ZNF232: variants seen among roughly 807,000 people sequenced by gnomAD.
The protein encoded by ZNF232 is zinc finger and SCAN domain-containing protein 11.
A neutral mutation model predicts 25.2 loss-of-function variants in ZNF232; 25 were observed. The ratio of observed to expected loss-of-function variants is 0.99; its 90% CI spans 0.72 to 1.39. ZNF232 has a LOEUF of 1.39. Among genes scored for constraint, ZNF232 ranks in the 40% most tolerant of loss-of-function variants. ZNF232 has a pLI of 0.00. For missense variants in ZNF232, 519 were observed against 520.9 expected (o/e 1.00, Z 0.04); for synonymous variants, 193 against 182.9 (o/e 1.06, Z -0.45).
At chr17:5,109,913 AG>A in intron 1 of ZNF232, 45 bp from the exon 2 acceptor site, 2 of 1,519,982 alleles carry the variant, frequency 1.3e-6, no homozygotes, top group South Asian at 2.6e-5. Context: ...TTTTTAAGAC[AG>A]AGTCTTTCTC....
Position 5,120,667 on chromosome 17 carries a change from G to T in ZNF232, c.-530+2310C>A, listed in dbSNP as rs182232657. 3 of 399,710 alleles carry T rather than the reference G, an allele frequency of 7.5e-6. No individual in the cohort carries two copies. The East Asian group carries it at 2.1e-4, about 28-fold the overall frequency. 24.8% of individuals were successfully genotyped at this position (399,710 alleles called of 1,614,324 possible). On this transcript the variant is annotated intron_variant, in intron 1 of 4. Transcript: ENST00000250076. ...TGAGGTCAGGTGGATGAGGATGTCAGTGTGAAGATGGACACTGTGCCTGGA... is the reference window on the plus strand; with the variant it reads ...TGAGGTCAGGTGGATGAGGATGTCATTGTGAAGATGGACACTGTGCCTGGA...
At chr17:5,110,054 T>G (rs922161285) in intron 1 of ZNF232, among the ~76,000 whole-genome samples, 186 bp from the exon 2 acceptor site, 34 of 152,124 alleles carry the variant, frequency 2.2e-4, no homozygotes, top group Admixed American at 1.4e-3. Context: ...CACATCCAGC[T>G]AATTTTTTTG....
At chr17:5,110,847 C>G (rs2072388753) in intron 1 of ZNF232, among the ~76,000 whole-genome samples, 1 of 152,052 alleles carries the variant, frequency 6.6e-6, no homozygotes, top group African/African-American at 2.4e-5. Flanking sequence ...GTGGCTCGCA[C>G]TTTTACCAAA....
Position 5,109,404 on chromosome 17 carries a change from G to A in ZNF232, c.488C>T (p.Pro163Leu), listed in dbSNP as rs761873602. 5 of 1,614,084 alleles carry A rather than the reference G, an allele frequency of 3.1e-6. No individual in the cohort carries two copies. Among genetic ancestry groups the A allele is most frequent in the Non-Finnish European group, 4.2e-6 (5 of 1,179,998 alleles). ...AATCCCCCTTCCCACCTGCGGCTCT[G>A]GTTCAAGTCCTTTCTCTAAATCCTC... The change falls in exon 2 of 4, where the codon CCA becomes CTA. Residue 163 changes from proline (P) to leucine (L), a missense_variant. By Grantham distance (98) the Pro-to-Leu change is moderately conservative. Transcript: ENST00000575898.
chr17:5,120,258 G>A (rs745433675), intron 1 of ZNF232, among the ~76,000 whole-genome samples: 25 of 152,130 alleles, frequency 1.6e-4, no homozygotes, highest in Non-Finnish European at 2.5e-4. Flanking sequence ...TGCCTGTGCT[G>A]TGGGGTTGGT....
chr17:5,111,754 G>C (rs927752099), intron 1 of ZNF232, 46 bp downstream of exon 1: 14 of 1,613,244 alleles, frequency 8.7e-6, no homozygotes, highest in Non-Finnish European at 1.2e-5. Flanking sequence ...ACGGGCAAAA[G>C]CCAAGCCGCC....
upstream of ZNF232, chr17:5,112,045 C>T: frequency 1.5e-6 from 1 of 659,388 alleles, no homozygotes; most frequent in African/African-American, 1.9e-5. Context: ...GCCTGCACGA[C>T]TGGACTGGAG....
chr17:5,106,430 CT>C lies in ZNF232; in HGVS notation c.701del (p.Gln234ArgfsTer22). 6.2e-7 allele frequency: 1 copy of C among 1,614,222 alleles called. No individual in the cohort carries two copies. The highest frequency in any genetic ancestry group is 8.5e-7 in the Non-Finnish European group (1 of 1,180,038). Reference sequence around the variant, plus strand: ...CAGTAGCAAGTTTTTCTGAGAACACCTGTGATTCCACTTCAGTAATGGGTGG... The same window carrying C: ...CAGTAGCAAGTTTTTCTGAGAACACCGTGATTCCACTTCAGTAATGGGTGG... On this transcript the variant is annotated frameshift_variant, in exon 4 of 4. Coordinates refer to ENST00000575898, the Ensembl canonical transcript of ZNF232. LOFTEE classifies it low-confidence loss of function (END_TRUNC).
chr17:5,109,858 G>C (rs1460061190), exon 2 of ZNF232: 1 of 1,604,824 alleles, frequency 6.2e-7, no homozygotes, highest in Non-Finnish European at 8.5e-7. Flanking sequence ...CTGGAATCTT[G>C]CAAGGGCCCC....
At chr17:5,109,492 C>T (rs1192352493) in exon 2 of ZNF232, 11 of 1,614,060 alleles carry the variant, frequency 6.8e-6, no homozygotes, top group South Asian at 2.2e-5. Context: ...GATTGGAGCT[C>T]CTCAGGCAGG....
At chr17:5,109,862 G>T in exon 2 of ZNF232, 3 of 1,601,726 alleles carry the variant, frequency 1.9e-6, no homozygotes, top group South Asian at 1.1e-5. Context: ...AATCTTGCAA[G>T]GGCCCCCTGT....
exon 2 of ZNF232, chr17:5,109,515 T>A: frequency 6.2e-7 from 1 of 1,614,206 alleles, no homozygotes; most frequent in Non-Finnish European, 8.5e-7. Context: ...GGTCAAGAAT[T>A]GTTCCAGCAC....
At chr17:5,120,050 G>A (rs1261823011) in intron 1 of ZNF232, among the ~76,000 whole-genome samples, 2 of 152,114 alleles carry the variant, frequency 1.3e-5, no homozygotes, top group African/African-American at 4.8e-5. Flanking sequence ...GAGGCCTTAC[G>A]TGCCCTCTCC....
upstream of ZNF232, among the ~76,000 whole-genome samples, chr17:5,116,114 C>T (rs914194540): frequency 6.6e-6 from 1 of 152,208 alleles, no homozygotes; most frequent in Non-Finnish European, 1.5e-5. Flanking sequence ...CGTCTCCAGG[C>T]GCCCATCAGT....
chr17:5,115,577 A>AC (rs1567761979), upstream of ZNF232, among the ~76,000 whole-genome samples: 2 of 79,020 alleles, frequency 2.5e-5, no homozygotes, highest in South Asian at 8.7e-4. Flanking sequence ...CACACACACA[A>AC]AACCCAAAAC....
At chr17:5,109,188 G>T in intron 2 of ZNF232, 136 bp from the exon 3 acceptor site, 2 of 1,352,478 alleles carry the variant, frequency 1.5e-6, no homozygotes, top group Non-Finnish European at 1.0e-6. Flanking sequence ...AGCCTCCTCA[G>T]AGTCAGCACA....
exon 4 of ZNF232, chr17:5,106,281 T>G: frequency 6.2e-7 from 1 of 1,614,256 alleles, no homozygotes; most frequent in Non-Finnish European, 8.5e-7. Context: ...AATTTCCTTA[T>G]GGATGACAAC....
chr17:5,121,604 C>T (rs889909763), intron 1 of ZNF232: 13 of 162,006 alleles, frequency 8.0e-5, no homozygotes, highest in Admixed American at 2.5e-4. Context: ...TGCAGGGGCT[C>T]ATCAGAAGCA....
At chr17:5,112,286 G>C (rs1378964348), upstream of ZNF232, 2 of 170,678 alleles carry the variant, frequency 1.2e-5, no homozygotes, top group Non-Finnish European at 2.5e-5. Context: ...TGATGAGAGG[G>C]CCACAGCTAA....
Sources: allele counts gnomAD v4.1 joint callset (sites outside exome capture counted in the v4.1 genomes callset), GRCh38; gene constraint gnomAD v4.1.1; transcripts MANE v1.5; gene names NCBI Gene and HGNC (gene_info 2026-07-23, HGNC 2026-07-21).